Variants in UTS2 observed in about 807,000 individuals in gnomAD.
The protein encoded by UTS2 is urotensin-2.
UTS2 carries 10 observed loss-of-function variants against 12.6 expected under a neutral mutation model. The ratio of observed to expected loss-of-function variants is 0.80; its 90% CI spans 0.49 to 1.35. The LOEUF (loss-of-function observed/expected upper bound fraction) is 1.35. Among genes scored for constraint, UTS2 ranks in the 40% most tolerant of loss-of-function variants. The pLI, the probability that UTS2 is intolerant of heterozygous loss-of-function variation, is 0.00. For missense variants in UTS2, 142 were observed against 143.2 expected, an observed-to-expected ratio of 0.99 and a Z score of 0.04; for synonymous variants, 52 against 50.0, an observed-to-expected ratio of 1.04 and a Z score of -0.17.
upstream of UTS2, chr1:7,853,371 T>C (rs1357661625): frequency 1.2e-6 from 2 of 1,614,156 alleles, no homozygotes; most frequent in Non-Finnish European, 1.7e-6. Flanking sequence ...CAAAGAGACG[T>C]GGATTTATGA....
the UTS2 span, among the ~76,000 whole-genome samples, chr1:7,906,503 GAAAGAAAA>G: frequency 7.7e-6 from 1 of 130,060 alleles, no homozygotes; most frequent in African/African-American, 2.8e-5. Context: ...AAGAAAGAAA[GAAAGAAAA>G]GAGGGAGGGA....
upstream of UTS2, among the ~76,000 whole-genome samples, chr1:7,856,183 T>C (rs1457597595): frequency 1.7e-5 from 2 of 115,712 alleles, no homozygotes; most frequent in African/African-American, 6.9e-5. Flanking sequence ...CGATAAATAT[T>C]TGTTGAATCA....
At chr1:7,907,553 G>A in the UTS2 span, among the ~76,000 whole-genome samples, 23 of 151,008 alleles carry the variant, frequency 1.5e-4, no homozygotes, top group Admixed American at 1.3e-4. Context: ...TCAGGAGGCT[G>A]AAGTAGGAAC....
At chr1:7,893,768 C>T in the UTS2 span, among the ~76,000 whole-genome samples, 1 of 152,250 alleles carries the variant, frequency 6.6e-6, no homozygotes, top group Middle Eastern at 3.4e-3. Flanking sequence ...AAGACTGTCT[C>T]CATACACTCA....
chr1:7,875,942 G>A, the UTS2 span, among the ~76,000 whole-genome samples: 1 of 152,092 alleles, frequency 6.6e-6, no homozygotes, highest in Non-Finnish European at 1.5e-5. Flanking sequence ...GGAACCTAGG[G>A]ACAGGTCTGC....
At chr1:7,905,205 G>A in the UTS2 span, among the ~76,000 whole-genome samples, 2 of 149,744 alleles carry the variant, frequency 1.3e-5, no homozygotes, top group African/African-American at 2.5e-5. Flanking sequence ...GTGTAATGGC[G>A]CGATCTTGGC....
chr1:7,879,236 T>C, the UTS2 span, among the ~76,000 whole-genome samples: 16 of 152,168 alleles, frequency 1.1e-4, no homozygotes, highest in African/African-American at 3.6e-4. Flanking sequence ...ATTAACATTT[T>C]CCAGGATAGA....
the UTS2 span, among the ~76,000 whole-genome samples, chr1:7,869,761 C>T: frequency 6.6e-6 from 1 of 152,230 alleles, no homozygotes; most frequent in African/African-American, 2.4e-5. Context: ...TAAATATCTG[C>T]TCCGCTTATT....
At chr1:7,854,806 T>C (rs547646427), upstream of UTS2, among the ~76,000 whole-genome samples, 1 of 152,234 alleles carries the variant, frequency 6.6e-6, no homozygotes, top group East Asian at 1.9e-4. Flanking sequence ...ATTAGCTTGA[T>C]TCAGCCATTC....
At chr1:7,881,859 A>G in the UTS2 span, among the ~76,000 whole-genome samples, 1 of 152,248 alleles carries the variant, frequency 6.6e-6, no homozygotes, top group African/African-American at 2.4e-5. Flanking sequence ...TAAAGGCATC[A>G]TATTACCTGA....
the UTS2 span, among the ~76,000 whole-genome samples, chr1:7,864,285 G>C: frequency 6.6e-6 from 1 of 152,178 alleles, no homozygotes; most frequent in African/African-American, 2.4e-5. Context: ...CATCATGGGG[G>C]CTCAGGAACG....
chr1:7,863,003 G>GTATTGTATT, the UTS2 span, among the ~76,000 whole-genome samples: 1 of 19,714 alleles, frequency 5.1e-5, no homozygotes, highest in African/African-American at 1.8e-4. Flanking sequence ...GTATTGTATT[G>GTATTGTATT]TATTGTATTG....
chr1:7,867,839 G>A, the UTS2 span, among the ~76,000 whole-genome samples: 2 of 152,078 alleles, frequency 1.3e-5, no homozygotes, highest in Non-Finnish European at 2.9e-5. Context: ...TGGCACAATT[G>A]TCCTCCAGCC....
chr1:7,858,088 C>A (rs1296689792), upstream of UTS2, among the ~76,000 whole-genome samples: 2 of 152,096 alleles, frequency 1.3e-5, no homozygotes, highest in Admixed American at 1.3e-4. Context: ...TTTGTCATTC[C>A]CTGGTGACTC....
rs1225244862 is a variant in UTS2, at chr1:7,847,788, C to G, written c.353G>C (p.Cys118Ser). The G allele has an allele frequency of 6.2e-7, 1 of 1,613,184 alleles. No individual in the cohort carries two copies. The highest frequency in any genetic ancestry group is 1.3e-5 in the African/African-American group (1 of 74,948). Residue 118 changes from cysteine to serine, a missense_variant, in exon 4 of 4, where the codon TGC becomes TCC. Physicochemically the swap from Cys to Ser is moderately radical, Grantham distance 112. Coordinates refer to ENST00000361696, the MANE Select transcript of UTS2 (RefSeq NM_006786.4). ...KPYKKRETPD[C>S]FWKYCV is the part of the protein sequence containing the mutation. Reference sequence around the variant, plus strand: ...ACTTCAGACACAGTATTTCCAGAAGCAATCAGGAGTCTCACGTTTCTTGTA... The same window carrying G: ...ACTTCAGACACAGTATTTCCAGAAGGAATCAGGAGTCTCACGTTTCTTGTA...
chr1:7,850,761 A>C, intron 2 of UTS2, 51 bp downstream of exon 2: 1 of 1,564,024 alleles, frequency 6.4e-7, no homozygotes. Flanking sequence ...ACAGACGGTA[A>C]GTTCAGTAGC....
chr1:7,900,696 G>A, the UTS2 span, among the ~76,000 whole-genome samples: 1 of 152,102 alleles, frequency 6.6e-6, no homozygotes, highest in East Asian at 1.9e-4. Context: ...CAGAAGAATT[G>A]CTTGAACCAG....
chr1:7,896,138 G>A, the UTS2 span, among the ~76,000 whole-genome samples: 1 of 152,020 alleles, frequency 6.6e-6, no homozygotes, highest in African/African-American at 2.4e-5. Flanking sequence ...TTTTCTAGGT[G>A]TTATTTGAAC....
At chr1:7,861,817 ACT>A in the UTS2 span, among the ~76,000 whole-genome samples, 1 of 151,624 alleles carries the variant, frequency 6.6e-6, no homozygotes, top group Non-Finnish European at 1.5e-5. Flanking sequence ...GTGAGGGCAA[ACT>A]CTGTTCATAT....
Sources: allele counts gnomAD v4.1 joint callset (sites outside exome capture counted in the v4.1 genomes callset), GRCh38; gene constraint gnomAD v4.1.1; transcripts MANE v1.5; gene names NCBI Gene and HGNC (gene_info 2026-07-23, HGNC 2026-07-21).